RBP5: variants seen among roughly 807,000 people sequenced by gnomAD.
The protein encoded by RBP5 is retinol binding protein 5.
In RBP5, 12 loss-of-function variants were observed where a neutral mutation model predicts 17.8. That is an observed-to-expected ratio of 0.67 (90% CI 0.43 to 1.09). The LOEUF is 1.09. Ranked by LOEUF, RBP5 falls within the 50% of genes least tolerant of loss-of-function variation. The pLI, the probability that RBP5 is intolerant of heterozygous loss-of-function variation, is 0.00. For missense variants in RBP5, 172 were observed against 169.4 expected (o/e 1.02, Z -0.09); for synonymous variants, 64 against 68.1 (o/e 0.94, Z 0.30).
intron 2 of RBP5, chr12:7,127,720 T>C (rs897800882): frequency 8.5e-6 from 6 of 702,098 alleles, no homozygotes; most frequent in Non-Finnish European, 1.0e-5. Flanking sequence ...AGCCTATAGA[T>C]GGAAGCAGAA....
downstream of RBP5, among the ~76,000 whole-genome samples, chr12:7,120,254 G>A (rs1377977599): frequency 1.3e-5 from 2 of 152,018 alleles, no homozygotes; most frequent in Non-Finnish European, 2.9e-5. Context: ...TTATACCCCC[G>A]GTACCTAAGT....
In RBP5 at chr12:7,128,640, A is replaced by G. The variant is rs1319747553; in HGVS notation, c.73+63T>C. The G allele has an allele frequency of 1.4e-6, 2 of 1,438,724 alleles. No homozygotes were observed. Among genetic ancestry groups the G allele is most frequent in the Non-Finnish European group, 1.9e-6 (2 of 1,043,178 alleles). 89.1% of individuals were successfully genotyped at this position (1,438,724 alleles called of 1,614,324 possible). A position where few individuals can be genotyped will look rare whatever the true frequency, so the allele number is the denominator to read the frequency against. ...GGCATTCCCTCTTCTCCATGGGACC[A>G]AGAAGCAGGAAGGAAGAGGGGAGAA... is the stretch of plus-strand genomic sequence containing the variant. On this transcript the variant is annotated intron_variant, in intron 1 of 3. Coordinates refer to ENST00000266560, the MANE Select transcript of RBP5 (RefSeq NM_031491.4). The surrounding 1 kb of genome is among the most constrained non-coding windows in gnomAD (Gnocchi z 5.3).
chr12:7,126,147 G>T (rs190569833), intron 2 of RBP5, among the ~76,000 whole-genome samples: 1 of 151,780 alleles, frequency 6.6e-6, no homozygotes, highest in Non-Finnish European at 1.5e-5. Flanking sequence ...GGTGGTGATA[G>T]AGAAAGGTTA....
At chr12:7,116,956 A>G (rs1187802020) in exon 4 of RBP5, 1 of 152,182 alleles carries the variant, frequency 6.6e-6, no homozygotes, top group Admixed American at 6.5e-5. Flanking sequence ...GTACTATTTC[A>G]CACAGTTTCT....
chr12:7,123,836 T>G lies in RBP5; in HGVS notation c.*285A>C. The G allele has an allele frequency of 1.2e-5, 5 of 414,508 alleles. No individual in the cohort carries two copies. Among genetic ancestry groups the G allele is most frequent in the Non-Finnish European group, 1.8e-5 (4 of 226,556 alleles). The allele number at this position is 414,508 out of a possible 1,614,324, so 25.7% of individuals were successfully genotyped here. On this transcript the variant is annotated 3_prime_UTR_variant, in exon 4 of 4. Transcript: ENST00000266560. ...TCAAATGGACAGGAGAGAGCGGAGA[T>G]TGGTTGTTCTCAGGGGCTCCTTCCC...
upstream of RBP5, chr12:7,129,872 C>T (rs928949785): frequency 1.1e-6 from 1 of 946,674 alleles, no homozygotes; most frequent in Non-Finnish European, 1.3e-6. The surrounding 1 kb of genome is among the most constrained non-coding windows in gnomAD (Gnocchi z 5.5). Flanking sequence ...TCCTTGGGTC[C>T]CAGAGCCTCG....
chr12:7,126,510 GGTGTGTGTGTGTGT>G (rs780320410), intron 2 of RBP5, among the ~76,000 whole-genome samples: 71 of 131,068 alleles, frequency 5.4e-4, no homozygotes, highest in East Asian at 2.1e-3. Flanking sequence ...TGGTGGTGGT[GGTGTGTGTGTGTGT>G]GTGTGTGTGT....
In RBP5 at chr12:7,128,498, A is replaced by G. The variant is rs1267749368; in HGVS notation, c.74-80T>C. Reference sequence around the variant, plus strand: ...CCTGCAGCAGCCCCTCAGGGCTGTGAGTTTCCCTTCTTTGGGTCTGGGACT... The same window carrying G: ...CCTGCAGCAGCCCCTCAGGGCTGTGGGTTTCCCTTCTTTGGGTCTGGGACT... On this transcript the variant is annotated intron_variant, in intron 1 of 3. Coordinates refer to ENST00000266560, the MANE Select transcript of RBP5 (RefSeq NM_031491.4). The surrounding 1 kb of genome is among the most constrained non-coding windows in gnomAD (Gnocchi z 5.3). The G allele has an allele frequency of 6.9e-7, 1 of 1,456,326 alleles. No individual in the cohort carries two copies. The highest frequency in any genetic ancestry group is 1.4e-5 in the African/African-American group (1 of 71,538). 90.2% of individuals were successfully genotyped at this position (1,456,326 alleles called of 1,614,324 possible). A position where few individuals can be genotyped will look rare whatever the true frequency, so the allele number is the denominator to read the frequency against.
In RBP5 at chr12:7,124,660, C is replaced by T; in HGVS notation, c.323G>A (p.Arg108Lys). The T allele has an allele frequency of 1.9e-6, 3 of 1,610,210 alleles. No individual in the cohort carries two copies. Among genetic ancestry groups the T allele is most frequent in the Non-Finnish European group, 2.5e-6 (3 of 1,176,478 alleles). Residue 108 changes from arginine to lysine, a missense_variant, in exon 3 of 4, where the codon AGA becomes AAA. Arg to Lys is a conservative substitution (Grantham distance 26). Coordinates refer to ENST00000266560, the MANE Select transcript of RBP5 (RefSeq NM_031491.4). The surrounding 1 kb of genome is among the most constrained non-coding windows in gnomAD (Gnocchi z 5.3). ...CAGCATCTCTCCCTCCAGCCAGTGTCTCCAGCCCCGGTTGGGGACCTCCCC... is the reference window on the plus strand; with the variant it reads ...CAGCATCTCTCCCTCCAGCCAGTGTTTCCAGCCCCGGTTGGGGACCTCCCC... The part of the protein sequence containing the change: ...QKGEVPNRGW[R>K]HWLEGEMLYL...
Position 7,117,306 on chromosome 12 carries a change from A to G in RBP5, n.891T>C, listed in dbSNP as rs1393946232. Reference sequence around the variant, plus strand: ...CCTTATTCCATTGGTCACACAGACAACCCGATGTGGAAGGAGACATCACAA... The same window carrying G: ...CCTTATTCCATTGGTCACACAGACAGCCCGATGTGGAAGGAGACATCACAA... On this transcript the variant is annotated splice_region_variant and non_coding_transcript_exon_variant, in exon 4 of 4. Coordinates refer to the RBP5 transcript ENST00000619522. This position sits in a 1 kb window ranked among gnomAD's most constrained non-coding sequence, Gnocchi z 4.9. 6.6e-6 allele frequency: 1 copy of G among 152,162 alleles called. No homozygotes were observed. Among genetic ancestry groups the G allele is most frequent in the Non-Finnish European group, 1.5e-5 (1 of 68,034 alleles). 9.4% of individuals were successfully genotyped at this position (152,162 alleles called of 1,614,324 possible). A position where few individuals can be genotyped will look rare whatever the true frequency, so the allele number is the denominator to read the frequency against.
At chr12:7,116,467 T>C (rs995518193) in exon 4 of RBP5, 2 of 152,232 alleles carry the variant, frequency 1.3e-5, no homozygotes, top group Non-Finnish European at 2.9e-5. Context: ...GTGAGGTGCA[T>C]TGAGTTGTAT....
In RBP5 at chr12:7,128,658, G is replaced by T; in HGVS notation, c.73+45C>A. The T allele has an allele frequency of 1.3e-6, 2 of 1,482,532 alleles. No homozygotes were observed. Among genetic ancestry groups the T allele is most frequent in the Admixed American group, 1.9e-5 (1 of 51,960 alleles). The allele number at this position is 1,482,532 out of a possible 1,614,324, so 91.8% of individuals were successfully genotyped here. On this transcript the variant is annotated intron_variant, in intron 1 of 3. Coordinates refer to ENST00000266560, the MANE Select transcript of RBP5 (RefSeq NM_031491.4). This position sits in a 1 kb window ranked among gnomAD's most constrained non-coding sequence, Gnocchi z 5.3. ...TGGGACCAAGAAGCAGGAAGGAAGA[G>T]GGGAGAAAGGGAGTGACAGGGGTCT...
rs1285130706 is a variant in RBP5 at position 7,128,305 on chromosome 12, C to T, written c.187G>A (p.Val63Met). ...RTLSTFRNYTVQFDVGVEFEE... is the reference protein window; with the variant it reads ...RTLSTFRNYTMQFDVGVEFEE... ...AACTCCACTCCCACATCAAACTGCACAGTGTAGTTTCGGAAGGTGCTGAGC... is the reference window on the plus strand; with the variant it reads ...AACTCCACTCCCACATCAAACTGCATAGTGTAGTTTCGGAAGGTGCTGAGC... The change falls in exon 2 of 4, where the codon GTG (valine) becomes ATG (methionine). Residue 63 changes from valine (V) to methionine (M), a missense_variant. Val to Met is a conservative substitution (Grantham distance 21). Coordinates refer to ENST00000266560, the MANE Select transcript of RBP5 (RefSeq NM_031491.4). The surrounding 1 kb of genome is among the most constrained non-coding windows in gnomAD (Gnocchi z 5.3). The T allele has an allele frequency of 6.2e-7, 1 of 1,614,248 alleles. No homozygotes were observed. The highest frequency in any genetic ancestry group is 1.1e-5 in the South Asian group (1 of 91,086).
chr12:7,125,619 G>A (rs935358076), intron 2 of RBP5, among the ~76,000 whole-genome samples: 1 of 152,182 alleles, frequency 6.6e-6, no homozygotes. Flanking sequence ...ATGGCAGTGG[G>A]GCGGGCAGAG....
At chr12:7,126,082 A>C (rs897109082) in intron 2 of RBP5, among the ~76,000 whole-genome samples, 6 of 146,124 alleles carry the variant, frequency 4.1e-5, no homozygotes, top group Non-Finnish European at 9.0e-5. Flanking sequence ...AAAAAAAAAA[A>C]CACAAAAACA....
chr12:7,121,102 G>C (rs1286388464), downstream of RBP5: 1 of 151,886 alleles, frequency 6.6e-6, no homozygotes, highest in Non-Finnish European at 1.5e-5. Context: ...TCTAGGGGAG[G>C]AAGTGCATCC....
In RBP5 at chr12:7,128,547, T is replaced by A. The variant is rs906445843; in HGVS notation, c.74-129A>T. 1 of 1,202,024 alleles carries A rather than the reference T, an allele frequency of 8.3e-7. No individual in the cohort carries two copies. The highest frequency in any genetic ancestry group is 1.2e-6 in the Non-Finnish European group (1 of 834,152). 74.5% of individuals were successfully genotyped at this position (1,202,024 alleles called of 1,614,324 possible). A position where few individuals can be genotyped will look rare whatever the true frequency, so the allele number is the denominator to read the frequency against. On this transcript the variant is annotated intron_variant, in intron 1 of 3. Coordinates refer to ENST00000266560, the MANE Select transcript of RBP5 (RefSeq NM_031491.4). The surrounding 1 kb of genome is among the most constrained non-coding windows in gnomAD (Gnocchi z 5.3). ...CTGTGGATTCACCCCCTCCTACCAA[T>A]GCCTGGTTAGAAATGGATCCCAGGT...
At chr12:7,126,988 A>ATTTTTTTTT (rs35155124) in intron 2 of RBP5, among the ~76,000 whole-genome samples, 1 of 86,514 alleles carries the variant, frequency 1.2e-5, no homozygotes, top group Non-Finnish European at 2.2e-5. Flanking sequence ...GTACTTTTGT[A>ATTTTTTTTT]TTTTTTTTTT....
rs34064255 is a variant in RBP5 at position 7,126,069 on chromosome 12, C to CAAAA, written c.253-1343_253-1340dup. Among the ~76,000 whole-genome samples, 792 of 139,958 alleles carry CAAAA rather than the reference C, an allele frequency of 5.7e-3. 7 individuals carry two copies. Among genetic ancestry groups the CAAAA allele is most frequent in the African/African-American group, 0.019 (701 of 37,622 alleles). The allele number at this position is 139,958 out of a possible 152,430, so 91.8% of individuals were successfully genotyped here. A position where few individuals can be genotyped will look rare whatever the true frequency, so the allele number is the denominator to read the frequency against. On this transcript the variant is annotated intron_variant, in intron 2 of 3. Coordinates refer to ENST00000266560, the MANE Select transcript of RBP5 (RefSeq NM_031491.4). ...CAACACAGTGAGACCCCACCTCTACCAAAAAAAAAAAAACACAAAAACACA... is the reference window on the plus strand; with the variant it reads ...CAACACAGTGAGACCCCACCTCTACCAAAAAAAAAAAAAAAAACACAAAAACACA...
Sources: allele counts gnomAD v4.1 joint callset (sites outside exome capture counted in the v4.1 genomes callset), GRCh38; gene constraint gnomAD v4.1.1; non-coding constraint Gnocchi (gnomAD v3.1); transcripts MANE v1.5; gene names NCBI Gene and HGNC (gene_info 2026-07-23, HGNC 2026-07-21).